DLGAP4: variants seen among roughly 807,000 people sequenced by gnomAD.
The protein encoded by DLGAP4 is disks large-associated protein 4.
Under a neutral mutation model 86.9 loss-of-function variants are expected in DLGAP4, and 18 were observed. The ratio of observed to expected loss-of-function variants is 0.21; its 90% CI spans 0.14 to 0.31. The LOEUF (loss-of-function observed/expected upper bound fraction) is 0.31. Ranked by LOEUF, DLGAP4 falls within the 10% of genes least tolerant of loss-of-function variation. DLGAP4 has a pLI of 1.00. For missense variants in DLGAP4, 1,085 were observed against 1,362.6 expected (o/e 0.80, Z 3.21); for synonymous variants, 548 against 574.3 (o/e 0.95, Z 0.65).
At chr20:36,458,418 G>A (rs2033937451) in intron 7 of DLGAP4, among the ~76,000 whole-genome samples, 1 of 148,380 alleles carries the variant, frequency 6.7e-6, no homozygotes, top group African/African-American at 2.5e-5. Flanking sequence ...CATGGCGAGG[G>A]GTTTCACCAT....
intron 8 of DLGAP4, chr20:36,499,237 T>A: frequency 1.9e-6 from 3 of 1,610,774 alleles, no homozygotes; most frequent in Non-Finnish European, 2.5e-6. Context: ...CTGATGCGTG[T>A]GAAGGAGAGG....
intron 11 of DLGAP4, among the ~76,000 whole-genome samples, chr20:36,525,165 C>T (rs2037633006): frequency 7.9e-6 from 1 of 126,272 alleles, no homozygotes; most frequent in South Asian, 2.6e-4. Flanking sequence ...TTGCAGTGAG[C>T]CGAGATCGCG....
At chr20:36,506,991 TTC>T (rs1195624513) in intron 10 of DLGAP4, among the ~76,000 whole-genome samples, 1 of 152,230 alleles carries the variant, frequency 6.6e-6, no homozygotes. Flanking sequence ...TGTGTCACAA[TTC>T]CCTCCCTTGT....
intron 1 of DLGAP4, among the ~76,000 whole-genome samples, chr20:36,315,119 TATGTG>T (rs1395930041): frequency 1.4e-5 from 2 of 146,466 alleles, no homozygotes; most frequent in African/African-American, 2.5e-5. Flanking sequence ...TGATGTGTGG[TATGTG>T]GTGTGGTGTG....
At chr20:36,463,254 CCTCT>C (rs1359472681) in intron 7 of DLGAP4, among the ~76,000 whole-genome samples, 8 of 152,188 alleles carry the variant, frequency 5.3e-5, no homozygotes, top group Admixed American at 5.2e-4. Context: ...AGACCCTTGT[CCTCT>C]CTGTCAGTTT....
intron 2 of DLGAP4, among the ~76,000 whole-genome samples, chr20:36,370,862 C>T (rs146951256): frequency 9.5e-4 from 145 of 152,292 alleles, no homozygotes; most frequent in Non-Finnish European, 1.9e-3. Flanking sequence ...AGGTAAAAAA[C>T]GCCATCCAGG....
At chr20:36,497,932 G>C (rs1334003508) in intron 8 of DLGAP4, 1 of 152,648 alleles carries the variant, frequency 6.6e-6, no homozygotes, top group Non-Finnish European at 1.5e-5. Context: ...GACCAAACTA[G>C]GGCACGTTCA....
chr20:36,526,873 A>G lies in DLGAP4; in HGVS notation c.2821A>G (p.Ser941Gly), dbSNP rs749803748. The change falls in exon 13 of 13, where the codon AGC becomes GGC. Residue 941 changes from serine to glycine, a missense_variant. Physicochemically the swap from Ser to Gly is moderately conservative, Grantham distance 56. Around this residue, in one of 2 missense-constraint regions of DLGAP4, gnomAD observed 1,082 missense variants for 1,344.1 expected, o/e 0.81. Transcript: ENST00000339266. ...KKPAKSKPAV[S>G]RDKASDASDK... is the part of the protein sequence containing the mutation. ...GCCAGCCAAATCCAAGCCGGCAGTG[A>G]GCCGCGACAAGGCCTCAGACGCCAG... 3 of 1,612,610 alleles carry G rather than the reference A, an allele frequency of 1.9e-6. No individual in the cohort carries two copies. The South Asian group carries it at 3.3e-5, about 18-fold the overall frequency.
At position 36,435,967 on chromosome 20, in the gene DLGAP4, C is replaced by G. The variant is rs146131428; in HGVS notation, c.1000-142C>G. 52 of 1,290,546 alleles carry G rather than the reference C, an allele frequency of 4.0e-5. No individual in the cohort carries two copies. The African/African-American group carries it at 7.5e-4, about 19-fold the overall frequency. 79.9% of individuals were successfully genotyped at this position (1,290,546 alleles called of 1,614,324 possible). On this transcript the variant is annotated intron_variant, in intron 3 of 12. Transcript: ENST00000339266. ...CAGCCCAGGGCTCTGCTCTGCTGCC[C>G]CGAGGTTTCAAAGGCGGGAAACCCA...
At chr20:36,364,775 C>T (rs1320418344) in intron 1 of DLGAP4, among the ~76,000 whole-genome samples, 1 of 152,164 alleles carries the variant, frequency 6.6e-6, no homozygotes, top group East Asian at 1.9e-4. Context: ...ACCCAAGAGA[C>T]TGTATAATGG....
At chr20:36,440,951 C>A (rs1259802181) in intron 5 of DLGAP4, among the ~76,000 whole-genome samples, 2 of 152,140 alleles carry the variant, frequency 1.3e-5, no homozygotes, top group Admixed American at 1.3e-4. Context: ...TTATTCCTGG[C>A]CTAGCCAAGC....
In DLGAP4 at chr20:36,348,393, TC is replaced by T. The variant is rs1202567960; in HGVS notation, c.-303-18650del. On this transcript the variant is annotated intron_variant, in intron 1 of 12. Transcript: ENST00000339266. ...CCAGCTGTGAACAAAAAAGGCAAAGTCCTTGCTGTAGCAGAGCTTACTTTCT... is the reference window on the plus strand; with the variant it reads ...CCAGCTGTGAACAAAAAAGGCAAAGTCTTGCTGTAGCAGAGCTTACTTTCT... 1.1e-4 allele frequency among the ~76,000 whole-genome samples: 16 copies of T among 152,304 alleles called. No individual in the cohort carries two copies. In the East Asian group the frequency reaches 2.9e-3, roughly 28 times the overall value.
Position 36,431,837 on chromosome 20 carries a change from C to T in DLGAP4, c.120C>T (p.Phe40=), listed in dbSNP as rs528736011. 8.7e-6 allele frequency: 14 copies of T among 1,613,950 alleles called. No homozygotes were observed. In the South Asian group the frequency reaches 9.9e-5, roughly 11 times the overall value. Residue 40 remains phenylalanine, a synonymous_variant, in exon 3 of 13, where the codon TTC becomes TTT. Transcript: ENST00000339266. This position sits in a 1 kb window ranked among gnomAD's most constrained non-coding sequence, Gnocchi z 5.1. The part of the protein sequence containing the change: ...NPYLLSPTEA[F]AREARFPGQN... The stretch of plus-strand genomic sequence containing the variant: ...ACCTGCTGTCGCCCACGGAGGCCTT[C>T]GCCCGCGAGGCCCGCTTCCCCGGGC...
intron 7 of DLGAP4, chr20:36,462,353 C>T (rs970817488): frequency 1.8e-5 from 25 of 1,375,468 alleles, no homozygotes; most frequent in Non-Finnish European, 2.3e-5. Context: ...CTCTCCCTGC[C>T]CCTCTGTGCC....
chr20:36,379,093 C>T (rs779003165), intron 2 of DLGAP4, among the ~76,000 whole-genome samples: 3 of 152,152 alleles, frequency 2.0e-5, no homozygotes, highest in African/African-American at 7.2e-5. Flanking sequence ...GGCCACAGGA[C>T]AGTGGTAGTG....
intron 7 of DLGAP4, among the ~76,000 whole-genome samples, chr20:36,472,579 A>G (rs1214550511): frequency 6.6e-6 from 1 of 151,854 alleles, no homozygotes; most frequent in Non-Finnish European, 1.5e-5. Context: ...AGCCTGGAGA[A>G]GTTGAAGATC....
At chr20:36,461,592 C>A in intron 7 of DLGAP4, 1 of 955,244 alleles carries the variant, frequency 1.0e-6, no homozygotes, top group African/African-American at 1.8e-5. Flanking sequence ...GCCTCCTCAG[C>A]CCGGACGCCC....
chr20:36,412,826 C>G (rs1161007574), intron 2 of DLGAP4, among the ~76,000 whole-genome samples: 1 of 152,118 alleles, frequency 6.6e-6, no homozygotes, highest in Non-Finnish European at 1.5e-5. Flanking sequence ...CTGGAGCTTA[C>G]AGATACATCC....
chr20:36,317,286 T>TTCTTA (rs1569452678), intron 1 of DLGAP4, among the ~76,000 whole-genome samples: 4,695 of 41,852 alleles, frequency 0.11, 160 homozygotes, highest in East Asian at 0.15. Flanking sequence ...TTATCTTTCT[T>TTCTTA]TCTTTCTTAT....
Sources: allele counts gnomAD v4.1 joint callset (sites outside exome capture counted in the v4.1 genomes callset), GRCh38; gene constraint gnomAD v4.1.1; regional missense constraint gnomAD v4.1.1; non-coding constraint Gnocchi (gnomAD v3.1); transcripts MANE v1.5; gene names NCBI Gene and HGNC (gene_info 2026-07-23, HGNC 2026-07-21).